The following ZNF385D variants were observed in gnomAD, a reference collection of about 807,000 sequenced individuals.
ZNF385D encodes the protein zinc finger protein 385D.
ZNF385D carries 15 observed loss-of-function variants against 35.8 expected under a neutral mutation model. The ratio of observed to expected loss-of-function variants is 0.42; its 90% confidence interval spans 0.28 to 0.64. The LOEUF (loss-of-function observed/expected upper bound fraction) is 0.64, where lower values mean the gene tolerates loss of function less well. Among genes scored for constraint, ZNF385D ranks in the 30% least tolerant of loss-of-function variants. The pLI is 0.23. For missense variants in ZNF385D, 474 were observed against 494.6 expected (o/e 0.96, Z 0.39); for synonymous variants, 212 against 186.8 (o/e 1.13, Z -1.10).
At chr3:22,068,949 G>A (rs1700098727) in intron 3 of ZNF385D, among the ~76,000 whole-genome samples, 1 of 152,286 alleles carries the variant, frequency 6.6e-6, no homozygotes, top group South Asian at 2.1e-4. Context: ...ACTTCCAGAT[G>A]ACATTACATA....
intron 2 of ZNF385D, among the ~76,000 whole-genome samples, chr3:22,371,760 T>TG (rs1196971847): frequency 6.6e-6 from 1 of 152,308 alleles, no homozygotes; most frequent in East Asian, 1.9e-4. Flanking sequence ...AGGCACTAGC[T>TG]GGCCAAGAAG....
chr3:21,962,566 A>T (rs1038185401), intron 3 of ZNF385D, among the ~76,000 whole-genome samples: 1 of 152,226 alleles, frequency 6.6e-6, no homozygotes, highest in African/African-American at 2.4e-5. Flanking sequence ...TTCTTTTTTA[A>T]GAACATAAAA....
At position 21,663,919 on chromosome 3, in the gene ZNF385D, T is replaced by TATATATATATATATATA. The variant is rs1201308131; in HGVS notation, c.165+966_165+967insTATATATATATATATAT. Among the ~76,000 whole-genome samples the TATATATATATATATATA allele has an allele frequency of 3.4e-3, 134 of 39,082 alleles. 2 individuals carry two copies. Among genetic ancestry groups the TATATATATATATATATA allele is most frequent in the African/African-American group, 7.0e-3 (74 of 10,504 alleles). The allele number at this position is 39,082 out of a possible 152,430, so 25.6% of individuals were successfully genotyped here. On this transcript the variant is annotated intron_variant, in intron 2 of 7. Coordinates refer to ENST00000281523, the MANE Select transcript of ZNF385D (RefSeq NM_024697.3). ...TATATATATATATATATATATATAT[T>TATATATATATATATATA]TATTTATTTAAATCCATCATGGGGA...
At chr3:21,546,015 T>C (rs1200812597) in intron 3 of ZNF385D, among the ~76,000 whole-genome samples, 1 of 152,112 alleles carries the variant, frequency 6.6e-6, no homozygotes, top group Non-Finnish European at 1.5e-5. Context: ...CTGTACTTTA[T>C]GCCAATAATC....
intron 3 of ZNF385D, among the ~76,000 whole-genome samples, chr3:21,949,430 G>A (rs184944347): frequency 1.3e-5 from 2 of 152,078 alleles, no homozygotes; most frequent in East Asian, 3.9e-4. Context: ...CCTCTCAGTG[G>A]AGTGTAGGTG....
chr3:22,212,307 AAAC>A (rs1160948737), intron 2 of ZNF385D, among the ~76,000 whole-genome samples: 1 of 151,980 alleles, frequency 6.6e-6, no homozygotes, highest in Non-Finnish European at 1.5e-5. Context: ...ATAAAGACAA[AAAC>A]AACAGAGTCT....
chr3:22,132,160 C>A (rs1030841416), intron 3 of ZNF385D, among the ~76,000 whole-genome samples: 1 of 152,068 alleles, frequency 6.6e-6, no homozygotes, highest in African/African-American at 2.4e-5. Context: ...ATCTTAACCC[C>A]TGTGGTGATG....
intron 2 of ZNF385D, among the ~76,000 whole-genome samples, chr3:21,583,542 G>GGAC (rs1312910781): frequency 6.6e-6 from 1 of 152,044 alleles, no homozygotes; most frequent in Admixed American, 6.5e-5. Flanking sequence ...TTTACTATTA[G>GGAC]GACTTTTTTT....
At chr3:22,096,328 A>C (rs536521768) in intron 3 of ZNF385D, among the ~76,000 whole-genome samples, 163 of 150,214 alleles carry the variant, frequency 1.1e-3, no homozygotes, top group African/African-American at 3.6e-3. Context: ...AGTTGAAACT[A>C]TTTTTTTAAA....
At chr3:22,233,237 T>C (rs891264941) in intron 2 of ZNF385D, among the ~76,000 whole-genome samples, 2 of 152,148 alleles carry the variant, frequency 1.3e-5, no homozygotes, top group African/African-American at 4.8e-5. Flanking sequence ...ATATTCTACA[T>C]ACTCAGCACT....
intron 4 of ZNF385D, among the ~76,000 whole-genome samples, chr3:21,476,397 A>G (rs977792383): frequency 6.6e-6 from 1 of 152,000 alleles, no homozygotes; most frequent in South Asian, 2.1e-4. Flanking sequence ...CAACTCTATT[A>G]TTTACCTAAT....
chr3:22,303,519 CA>C (rs2125415263), intron 2 of ZNF385D, among the ~76,000 whole-genome samples: 1 of 152,192 alleles, frequency 6.6e-6, no homozygotes, highest in Non-Finnish European at 1.5e-5. Context: ...ACTTTTTTAT[CA>C]GCTTGTCTAT....
At chr3:22,077,001 C>A (rs1700496580) in intron 3 of ZNF385D, among the ~76,000 whole-genome samples, 1 of 151,848 alleles carries the variant, frequency 6.6e-6, no homozygotes, top group South Asian at 2.1e-4. Flanking sequence ...TATAAGGACT[C>A]TTTGGTTAGA....
chr3:22,007,191 T>C (rs1006331118), intron 3 of ZNF385D, among the ~76,000 whole-genome samples: 3 of 152,166 alleles, frequency 2.0e-5, no homozygotes, highest in East Asian at 1.9e-4. Flanking sequence ...TTAATAACCA[T>C]TGTCCTTAGT....
intron 3 of ZNF385D, among the ~76,000 whole-genome samples, chr3:22,158,555 A>T (rs933851285): frequency 2.6e-5 from 4 of 152,100 alleles, no homozygotes; most frequent in African/African-American, 4.8e-5. Flanking sequence ...GAAAGAGAAG[A>T]CATGTATCTG....
At chr3:21,694,969 G>C (rs1047167363) in intron 1 of ZNF385D, among the ~76,000 whole-genome samples, 2 of 152,180 alleles carry the variant, frequency 1.3e-5, no homozygotes, top group Non-Finnish European at 2.9e-5. Flanking sequence ...AAGTGAGTCA[G>C]TCCCGGAGTT....
At chr3:21,951,692 C>T (rs904800227) in intron 3 of ZNF385D, among the ~76,000 whole-genome samples, 3 of 151,522 alleles carry the variant, frequency 2.0e-5, no homozygotes, top group Non-Finnish European at 2.9e-5. Context: ...GTTGGTGCAC[C>T]TACATGGTCT....
At chr3:21,842,655 A>T (rs1182363726) in intron 3 of ZNF385D, among the ~76,000 whole-genome samples, 2 of 151,988 alleles carry the variant, frequency 1.3e-5, no homozygotes, top group East Asian at 3.9e-4. Flanking sequence ...CAGTTGTAAA[A>T]CTCTGTAAGT....
intron 2 of ZNF385D, among the ~76,000 whole-genome samples, chr3:22,230,251 G>C (rs192567060): frequency 6.6e-6 from 1 of 152,228 alleles, no homozygotes; most frequent in Admixed American, 6.5e-5. Context: ...ACCTAAACAT[G>C]ATTCTGTATA....
Sources: allele counts gnomAD v4.1 joint callset (sites outside exome capture counted in the v4.1 genomes callset), GRCh38; gene constraint gnomAD v4.1.1; transcripts MANE v1.5; gene names NCBI Gene and HGNC (gene_info 2026-07-23, HGNC 2026-07-21).